Variants in FAM217B observed in about 807,000 individuals in gnomAD.
The protein encoded by FAM217B is family with sequence similarity 217 member B.
For synonymous variants in FAM217B, 163 were observed against 173.0 expected (o/e 0.94, Z 0.45); for missense variants, 463 against 456.9 (o/e 1.01, Z -0.12).
In FAM217B at chr20:59,946,311, T is replaced by C. The variant is rs2060936803; in HGVS notation, c.*1216T>C. The C allele has an allele frequency of 6.0e-6, 1 of 167,106 alleles. No homozygotes were observed. The allele number at this position is 167,106 out of a possible 1,614,324, so 10.4% of individuals were successfully genotyped here. ...GCGCAGTGTATTTTAATACGGCCCA[T>C]GTCATTATAGTTGATTTTATCCCTT... On this transcript the variant is annotated 3_prime_UTR_variant, in exon 4 of 4. Coordinates refer to ENST00000360816, the MANE Select transcript of FAM217B (RefSeq NM_022106.3).
chr20:59,944,818 A>G lies in FAM217B; in HGVS notation c.875A>G (p.Glu292Gly). The G allele has an allele frequency of 1.2e-6, 2 of 1,614,200 alleles. No homozygotes were observed. Among genetic ancestry groups the G allele is most frequent in the Non-Finnish European group, 1.7e-6 (2 of 1,180,024 alleles). ...CAAACCCTTGAAATGAGGACAGAAG[A>G]AAAGAAAAAGAAATCAAGTAAGAGT... ...QRQTLEMRTE[E>G]KKKKSSKSTK... The change falls in exon 4 of 4, where the codon GAA becomes GGA. Residue 292 changes from glutamate to glycine, a missense_variant. Transcript: ENST00000360816.
At chr20:59,936,536 G>A (rs1480325052), upstream of FAM217B, 2 of 152,222 alleles carry the variant, frequency 1.3e-5, no homozygotes, top group African/African-American at 2.4e-5. Flanking sequence ...ACTGTTGTAA[G>A]AGAAGTACAT....
chr20:59,942,672 T>A (rs1183241374), intron 3 of FAM217B, among the ~76,000 whole-genome samples, 160 bp downstream of exon 3: 2 of 152,218 alleles, frequency 1.3e-5, no homozygotes, highest in Non-Finnish European at 2.9e-5. Flanking sequence ...GGTTTAAGCA[T>A]AATAGTGGAT....
At chr20:59,940,082 C>T, upstream of FAM217B, 1 of 525,414 alleles carries the variant, frequency 1.9e-6, no homozygotes, top group Non-Finnish European at 3.0e-6. Flanking sequence ...ACCCTTGGTT[C>T]GCCACCTTGC....
In FAM217B at chr20:59,940,478, G is replaced by C. The variant is rs906801891; in HGVS notation, c.-260G>C. On this transcript the variant is annotated 5_prime_UTR_variant, in exon 1 of 4. Coordinates refer to ENST00000360816, the MANE Select transcript of FAM217B (RefSeq NM_022106.3). ...CGCAGCCGGGCGTCCCCGCGCGGGC[G>C]CCGGAGAGGAAGGAAGGCTGGCAGC... The C allele has an allele frequency of 6.6e-6, 1 of 152,258 alleles. No individual in the cohort carries two copies. The highest frequency in any genetic ancestry group is 2.4e-5 in the African/African-American group (1 of 41,460). The allele number at this position is 152,258 out of a possible 1,614,324, so 9.4% of individuals were successfully genotyped here.
intron 1 of FAM217B, among the ~76,000 whole-genome samples, chr20:59,940,786 T>A (rs76738546): frequency 0.018 from 2,675 of 152,242 alleles, 89 homozygotes; most frequent in African/African-American, 0.058. Flanking sequence ...CGAGGGAGCC[T>A]CACTGCGTAG....
At chr20:59,939,595 G>A (rs772851274), upstream of FAM217B, 1 of 1,601,978 alleles carries the variant, frequency 6.2e-7, no homozygotes, top group Admixed American at 1.7e-5. Context: ...ACCTGTGCCA[G>A]CTCCAAGCCC....
At position 59,948,047 on chromosome 20, in the gene FAM217B, AAGAAAAAGAAAAAG is replaced by A. The variant is rs1398701719; in HGVS notation, c.*2954_*2967del. On this transcript the variant is annotated 3_prime_UTR_variant, in exon 4 of 4. Transcript: ENST00000360816. ...CAATCCAAGTTTCTTTAAAAAAAAAAAGAAAAAGAAAAAGAAAAAGAAAAATATTTTAGGCTTAG... is the reference window on the plus strand; with the variant it reads ...CAATCCAAGTTTCTTTAAAAAAAAAAAAAAAGAAAAATATTTTAGGCTTAG... 14 of 156,352 alleles carry A rather than the reference AAGAAAAAGAAAAAG, an allele frequency of 9.0e-5. No individual in the cohort carries two copies. Among genetic ancestry groups the A allele is most frequent in the African/African-American group, 3.2e-4 (13 of 40,534 alleles). The allele number at this position is 156,352 out of a possible 1,614,324, so 9.7% of individuals were successfully genotyped here.
chr20:59,936,468 G>A (rs2060862666), upstream of FAM217B, among the ~76,000 whole-genome samples: 3 of 152,276 alleles, frequency 2.0e-5, 1 homozygote, highest in Middle Eastern at 3.4e-3. Context: ...CTTAGGTGAG[G>A]GTCACGATCC....
intron 1 of FAM217B, among the ~76,000 whole-genome samples, chr20:59,940,837 G>T (rs2060900331): frequency 6.6e-6 from 1 of 152,272 alleles, no homozygotes; most frequent in South Asian, 2.1e-4. Context: ...ATGCTTTGCC[G>T]CACCGAATGG....
upstream of FAM217B, chr20:59,939,336 G>A (rs767231974): frequency 7.1e-5 from 114 of 1,611,308 alleles, no homozygotes; most frequent in Non-Finnish European, 8.6e-5. Context: ...CTTCTCGAAG[G>A]CCACGTTGCA....
At position 59,948,616 on chromosome 20, in the gene FAM217B, G is replaced by A. The variant is rs2060951654; in HGVS notation, c.*3521G>A. The A allele has an allele frequency of 6.0e-6, 1 of 166,952 alleles. No individual in the cohort carries two copies. Among genetic ancestry groups the A allele is most frequent in the Admixed American group, 6.5e-5 (1 of 15,284 alleles). The allele number at this position is 166,952 out of a possible 1,614,324, so 10.3% of individuals were successfully genotyped here. A position where few individuals can be genotyped will look rare whatever the true frequency, so the allele number is the denominator to read the frequency against. Reference sequence around the variant, plus strand: ...TATGTGATAAACAGAATTGATGTAAGTTTTTGTGGACTTGAATTTCTCCTT... The same window carrying A: ...TATGTGATAAACAGAATTGATGTAAATTTTTGTGGACTTGAATTTCTCCTT... On this transcript the variant is annotated 3_prime_UTR_variant, in exon 4 of 4. Transcript: ENST00000360816.
chr20:59,942,624 A>G (rs1284318390), intron 3 of FAM217B, 112 bp downstream of exon 3: 2 of 152,220 alleles, frequency 1.3e-5, no homozygotes, highest in African/African-American at 4.8e-5. Flanking sequence ...AGAAATATAC[A>G]TTTATAATTT....
At chr20:59,939,704 G>A (rs1305607394), upstream of FAM217B, 2 of 1,338,596 alleles carry the variant, frequency 1.5e-6, no homozygotes, top group Non-Finnish European at 1.9e-6. Context: ...CGGGGGAGCT[G>A]GGCAGTGAGC....
upstream of FAM217B, chr20:59,939,307 T>C (rs1260011598): frequency 1.2e-6 from 2 of 1,611,726 alleles, no homozygotes; most frequent in South Asian, 1.1e-5. Context: ...CCCGAGAAAG[T>C]GTAGCGCACA....
At chr20:59,939,510 A>T, upstream of FAM217B, 1 of 1,612,098 alleles carries the variant, frequency 6.2e-7, no homozygotes. Flanking sequence ...GCTGCAGCAC[A>T]GGTCCGAGTT....
chr20:59,933,794 G>A (rs1465486058), exon 1 of FAM217B: 1 of 143,636 alleles, frequency 7.0e-6, no homozygotes, highest in Non-Finnish European at 1.5e-5. Flanking sequence ...CGCTCGCCGG[G>A]GTCGCCCGAG....
chr20:59,939,108 T>A, upstream of FAM217B: 7 of 1,601,656 alleles, frequency 4.4e-6, no homozygotes, highest in Non-Finnish European at 5.9e-6. Flanking sequence ...TGTGAGGCTG[T>A]AGTCTCGGTG....
intron 1 of FAM217B, 172 bp from the exon 2 acceptor site, chr20:59,942,026 C>T (rs143028917): frequency 3.5e-4 from 54 of 152,360 alleles, no homozygotes; most frequent in African/African-American, 1.3e-3. Context: ...AAGCATAAGA[C>T]AATGTCTCCC....
Sources: allele counts gnomAD v4.1 joint callset (sites outside exome capture counted in the v4.1 genomes callset), GRCh38; gene constraint gnomAD v4.1.1; transcripts MANE v1.5; gene names NCBI Gene and HGNC (gene_info 2026-07-23, HGNC 2026-07-21).